The following EFCAB13 variants were observed in gnomAD, a reference collection of about 807,000 sequenced individuals.
The protein encoded by EFCAB13 is EF-hand calcium-binding domain-containing protein 13.
EFCAB13 carries 91 observed loss-of-function variants against 110.2 expected under a neutral mutation model. The observed-to-expected ratio is 0.83, with a 90% CI of 0.70 to 0.98. The LOEUF is 0.98. Ranked by LOEUF, EFCAB13 falls within the 50% of genes least tolerant of loss-of-function variation. The pLI is 0.00. For synonymous variants in EFCAB13, 323 were observed against 369.9 expected, an observed-to-expected ratio of 0.87 and a Z score of 1.45; for missense variants, 968 against 1,119.4, an observed-to-expected ratio of 0.86 and a Z score of 1.93.
intron 13 of EFCAB13, among the ~76,000 whole-genome samples, chr17:47,378,499 G>A (rs1204899792): frequency 6.6e-6 from 1 of 152,076 alleles, no homozygotes; most frequent in Non-Finnish European, 1.5e-5. Context: ...GACATTTTGG[G>A]GAAAGACTGA....
intron 20 of EFCAB13, among the ~76,000 whole-genome samples, chr17:47,408,517 GTGGCCCATGCCT>G (rs2065817035): frequency 6.6e-6 from 1 of 152,104 alleles, no homozygotes; most frequent in South Asian, 2.1e-4. Context: ...GCCTGGCATG[GTGGCCCATGCCT>G]GTAGTTGCAG....
At chr17:47,422,540 T>C (rs1904759185) in intron 23 of EFCAB13, among the ~76,000 whole-genome samples, 1 of 152,188 alleles carries the variant, frequency 6.6e-6, no homozygotes, top group African/African-American at 2.4e-5. Context: ...AGCAAATTTA[T>C]CAGAGCTGCT....
At chr17:47,338,403 C>G (rs998478762) in intron 5 of EFCAB13, among the ~76,000 whole-genome samples, 1 of 151,984 alleles carries the variant, frequency 6.6e-6, no homozygotes, top group Non-Finnish European at 1.5e-5. Context: ...GTGTGCACCA[C>G]CACGCCTGGC....
chr17:47,393,159 C>T (rs1390122642), intron 15 of EFCAB13, among the ~76,000 whole-genome samples: 8 of 152,132 alleles, frequency 5.3e-5, no homozygotes, highest in African/African-American at 1.9e-4. Context: ...ATCCTCCCAC[C>T]TCATCTTCCT....
At chr17:47,355,796 T>C (rs1363583499) in intron 9 of EFCAB13, among the ~76,000 whole-genome samples, 1 of 151,900 alleles carries the variant, frequency 6.6e-6, no homozygotes, top group East Asian at 1.9e-4. Context: ...TGGCCTCGAT[T>C]GCTTGACCTC....
Position 47,404,507 on chromosome 17 carries a change from T to C in EFCAB13, c.2162-55T>C, listed in dbSNP as rs542824721. The C allele has an allele frequency of 9.8e-6, 13 of 1,332,812 alleles. No individual in the cohort carries two copies. In the African/African-American group the frequency reaches 1.6e-4, roughly 17 times the overall value. 82.6% of individuals were successfully genotyped at this position (1,332,812 alleles called of 1,614,324 possible). A position where few individuals can be genotyped will look rare whatever the true frequency, so the allele number is the denominator to read the frequency against. Reference sequence around the variant, plus strand: ...ATATGCTGATTTTGATACTAGCCTTTAAGTATTACTTTGTCTAGGGGTTCT... The same window carrying C: ...ATATGCTGATTTTGATACTAGCCTTCAAGTATTACTTTGTCTAGGGGTTCT... On this transcript the variant is annotated intron_variant, in intron 19 of 24. Transcript: ENST00000331493.
chr17:47,423,968 AG>A (rs1017422795), intron 23 of EFCAB13, among the ~76,000 whole-genome samples: 84 of 149,732 alleles, frequency 5.6e-4, no homozygotes, highest in Non-Finnish European at 1.0e-3. Flanking sequence ...CTCGGGAGGG[AG>A]GGGGCGCGCG....
chr17:47,354,330 A>G (rs890089411), intron 9 of EFCAB13, among the ~76,000 whole-genome samples: 2 of 152,192 alleles, frequency 1.3e-5, no homozygotes, highest in Non-Finnish European at 2.9e-5. Flanking sequence ...TGTGCTGATG[A>G]ATAGAATTCA....
Position 47,412,978 on chromosome 17 carries a change from A to G in EFCAB13, c.2422+62A>G, listed in dbSNP as rs2065844124. 6.5e-6 allele frequency: 10 copies of G among 1,545,122 alleles called. No individual in the cohort carries two copies. In the Admixed American group the frequency reaches 1.9e-4, roughly 29 times the overall value. On this transcript the variant is annotated intron_variant, in intron 22 of 24. Transcript: ENST00000331493. ...TTTTCTACTTATGAAAAATAGTCTT[A>G]GAGTGTACCTATAAGGATAAGATGC...
chr17:47,394,964 T>G (rs2065729029), intron 16 of EFCAB13, among the ~76,000 whole-genome samples: 1 of 152,218 alleles, frequency 6.6e-6, no homozygotes, highest in Non-Finnish European at 1.5e-5. Context: ...TTTTCTTCAT[T>G]AGACTGCTCA....
chr17:47,438,681 T>C (rs1243164114), intron 24 of EFCAB13, among the ~76,000 whole-genome samples: 3 of 152,074 alleles, frequency 2.0e-5, no homozygotes, highest in African/African-American at 7.2e-5. Context: ...CCTTGACTAT[T>C]TCCCCCTTCA....
intron 10 of EFCAB13, among the ~76,000 whole-genome samples, chr17:47,361,923 C>T (rs1226974448): frequency 3.9e-5 from 6 of 152,098 alleles, no homozygotes; most frequent in Admixed American, 6.6e-5. Flanking sequence ...TTGCTATGCC[C>T]TTCAGTTGCT....
At chr17:47,414,400 AT>A (rs1904359341) in intron 22 of EFCAB13, among the ~76,000 whole-genome samples, 1 of 151,238 alleles carries the variant, frequency 6.6e-6, no homozygotes, top group African/African-American at 2.4e-5. Flanking sequence ...TTTAATTTCC[AT>A]TTGCTTTCAT....
chr17:47,420,940 A>T (rs1223693139), intron 23 of EFCAB13, among the ~76,000 whole-genome samples: 1 of 146,538 alleles, frequency 6.8e-6, no homozygotes, highest in Admixed American at 6.7e-5. Flanking sequence ...CCCTACTGGG[A>T]AGTGAGGAGC....
rs565335881 is a variant in EFCAB13 at position 47,361,363 on chromosome 17, A to G, written c.662-15A>G. The G allele has an allele frequency of 2.0e-5, 33 of 1,611,216 alleles. No individual in the cohort carries two copies. In the Admixed American group the frequency reaches 2.7e-4, roughly 13 times the overall value. The stretch of plus-strand genomic sequence containing the variant: ...AGCTGTTGATTCTCATGGTATAATA[A>G]TTTCTTTTTTGCAGCATTCCAGGAT... On this transcript the variant is annotated splice_polypyrimidine_tract_variant and intron_variant, in intron 9 of 24. Transcript: ENST00000331493.
intron 5 of EFCAB13, 98 bp from the exon 6 acceptor site, chr17:47,341,822 TG>T: frequency 1.5e-6 from 1 of 671,742 alleles, no homozygotes; most frequent in Non-Finnish European, 2.5e-6. Context: ...GATGGGATTC[TG>T]TATACTTTTG....
Sources: gnomAD v4.1 joint callset for allele counts (sites outside exome capture counted in the v4.1 genomes callset) on GRCh38, gnomAD v4.1.1 for gene constraint, MANE v1.5 for transcripts, NCBI Gene and HGNC (gene_info 2026-07-23, HGNC 2026-07-21) for gene names.